The following ATAD2B variants were observed in gnomAD, a reference collection of about 807,000 sequenced individuals.
The protein encoded by ATAD2B is ATPase family AAA domain containing 2B.
ATAD2B carries 40 observed loss-of-function variants against 167.6 expected under a neutral mutation model. That is an observed-to-expected ratio of 0.24 (90% CI 0.19 to 0.31). The LOEUF (loss-of-function observed/expected upper bound fraction) is 0.31. ATAD2B is among the 10% of genes least tolerant of loss of function. The probability of loss-of-function intolerance (pLI) is 1.00; values close to 1 mark genes in which losing one functional copy is unlikely to be tolerated. For missense variants in ATAD2B, 1,242 were observed against 1,757.2 expected (o/e 0.71, Z 5.24); for synonymous variants, 579 against 596.5 (o/e 0.97, Z 0.43).
At chr2:23,886,928 C>G (rs1698751829) in intron 4 of ATAD2B, among the ~76,000 whole-genome samples, 1 of 110,934 alleles carries the variant, frequency 9.0e-6, no homozygotes, top group Non-Finnish European at 2.0e-5. Flanking sequence ...GAGACTCCAT[C>G]TCAAAAAAAA....
At chr2:23,809,374 A>G (rs1685183867) in intron 18 of ATAD2B, among the ~76,000 whole-genome samples, 1 of 152,154 alleles carries the variant, frequency 6.6e-6, no homozygotes, top group African/African-American at 2.4e-5. Context: ...ACTGTGAGTA[A>G]AAGAGAAACT....
intron 16 of ATAD2B, among the ~76,000 whole-genome samples, chr2:23,820,414 C>T (rs1374573393): frequency 1.3e-5 from 2 of 152,102 alleles, no homozygotes; most frequent in Non-Finnish European, 2.9e-5. Context: ...ATTCATACAG[C>T]ATTATTCTCT....
the ATAD2B span, chr2:23,693,456 C>T: frequency 3.2e-6 from 5 of 1,551,630 alleles, no homozygotes; most frequent in Non-Finnish European, 4.4e-6. Context: ...ACAGCCTCAA[C>T]ACCAAGGCTG....
chr2:23,781,894 C>G (rs993817034), intron 22 of ATAD2B, among the ~76,000 whole-genome samples: 20 of 152,066 alleles, frequency 1.3e-4, no homozygotes, highest in Admixed American at 7.9e-4. Context: ...CTCACTGCAG[C>G]CTCAACCTCC....
chr2:23,905,652 A>C (rs1218469952), intron 1 of ATAD2B, among the ~76,000 whole-genome samples: 1 of 152,228 alleles, frequency 6.6e-6, no homozygotes, highest in Non-Finnish European at 1.5e-5. Context: ...AGAAGAATCA[A>C]GGAGGTACTG....
At position 23,867,768 on chromosome 2, in the gene ATAD2B, G is replaced by A. The variant is rs10181272; in HGVS notation, c.1188+67C>T. 2.8e-3 allele frequency: 3,127 copies of A among 1,135,156 alleles called. 60 individuals are homozygous for A. The African/African-American group carries it at 0.043, about 16-fold the overall frequency. 70.3% of individuals were successfully genotyped at this position (1,135,156 alleles called of 1,614,324 possible). On this transcript the variant is annotated intron_variant, in intron 10 of 27. Coordinates refer to ENST00000238789, the MANE Select transcript of ATAD2B (RefSeq NM_017552.4). ...GAATTTTCTAGTTCTACTATGTGCTGCTTTAGAAACAAGAAAAAAACTTTT... is the reference window on the plus strand; with the variant it reads ...GAATTTTCTAGTTCTACTATGTGCTACTTTAGAAACAAGAAAAAAACTTTT...
At chr2:23,926,018 C>G (rs1197827597) in intron 1 of ATAD2B, among the ~76,000 whole-genome samples, 1 of 152,156 alleles carries the variant, frequency 6.6e-6, no homozygotes, top group Non-Finnish European at 1.5e-5. Flanking sequence ...AAGTTGGTGT[C>G]AGAGCAGCTA....
At chr2:23,886,350 A>G (rs1698658965) in intron 4 of ATAD2B, among the ~76,000 whole-genome samples, 1 of 152,134 alleles carries the variant, frequency 6.6e-6, no homozygotes, top group African/African-American at 2.4e-5. Context: ...TTAAAATAAA[A>G]CTTTTTAAAT....
intron 8 of ATAD2B, among the ~76,000 whole-genome samples, chr2:23,874,995 G>A (rs1696606296): frequency 2.7e-5 from 4 of 148,494 alleles, no homozygotes. Flanking sequence ...GGTGGAGCTT[G>A]CAGCGACCCA....
intron 22 of ATAD2B, among the ~76,000 whole-genome samples, chr2:23,773,549 A>C (rs573744838): frequency 1.3e-5 from 2 of 152,164 alleles, no homozygotes; most frequent in Non-Finnish European, 2.9e-5. Flanking sequence ...AATAGAATAA[A>C]AGTTGAAAAC....
chr2:23,735,946 A>G, the ATAD2B span, among the ~76,000 whole-genome samples: 2 of 152,186 alleles, frequency 1.3e-5, no homozygotes, highest in Non-Finnish European at 2.9e-5. Context: ...ATACTGGCCT[A>G]ATGGAAGGAA....
chr2:23,921,556 A>G (rs1447492453), intron 1 of ATAD2B, among the ~76,000 whole-genome samples: 1 of 152,192 alleles, frequency 6.6e-6, no homozygotes, highest in African/African-American at 2.4e-5. Context: ...GACAGGGAAA[A>G]TGATTTAAGG....
the ATAD2B span, among the ~76,000 whole-genome samples, chr2:23,705,738 C>G: frequency 5.1e-4 from 77 of 152,232 alleles, no homozygotes; most frequent in Non-Finnish European, 8.8e-5. Flanking sequence ...AGGGAATAGC[C>G]AGGAAGAAAT....
the ATAD2B span, among the ~76,000 whole-genome samples, chr2:23,743,565 A>G: frequency 4.1e-5 from 6 of 147,084 alleles, no homozygotes; most frequent in African/African-American, 1.5e-4. Context: ...TCCGACTCAA[A>G]AAAAAAAAAA....
chr2:23,899,006 G>A (rs1291592847), intron 1 of ATAD2B, among the ~76,000 whole-genome samples: 1 of 152,126 alleles, frequency 6.6e-6, no homozygotes, highest in Non-Finnish European at 1.5e-5. Context: ...AAATTAGCCA[G>A]GCATGGTGGC....
the ATAD2B span, among the ~76,000 whole-genome samples, chr2:23,700,779 A>G: frequency 6.6e-6 from 1 of 152,154 alleles, no homozygotes; most frequent in African/African-American, 2.4e-5. The surrounding 1 kb of genome is among the most constrained non-coding windows in gnomAD (Gnocchi z 4.6). Flanking sequence ...GCCCTTGACT[A>G]CAGAGCAGTG....
At position 23,881,217 on chromosome 2, in the gene ATAD2B, A is replaced by G. The variant is rs1697835952; in HGVS notation, c.785-462T>C. Among the ~76,000 whole-genome samples, 3 of 152,198 alleles carry G rather than the reference A, an allele frequency of 2.0e-5. No homozygotes were observed. In the South Asian group the frequency reaches 6.2e-4, roughly 31 times the overall value. On this transcript the variant is annotated intron_variant, in intron 6 of 27. Transcript: ENST00000238789. Reference sequence around the variant, plus strand: ...AAGAGCAACTTTTGTTGGCAGTGTAATGATTTGTTAGGCCTGTTGACCACA... The same window carrying G: ...AAGAGCAACTTTTGTTGGCAGTGTAGTGATTTGTTAGGCCTGTTGACCACA...
At chr2:23,848,322 A>G (rs1692011346) in intron 13 of ATAD2B, among the ~76,000 whole-genome samples, 2 of 151,932 alleles carry the variant, frequency 1.3e-5, no homozygotes, top group African/African-American at 4.8e-5. Context: ...TCTACTAAAA[A>G]CACAAAAATT....
At position 23,769,711 on chromosome 2, in the gene ATAD2B, G is replaced by GATTTT. The variant is rs199842019; in HGVS notation, c.3134-4084_3134-4083insAAAAT. 7.7e-5 allele frequency among the ~76,000 whole-genome samples: 10 copies of GATTTT among 129,836 alleles called. 2 individuals are homozygous for GATTTT. Among genetic ancestry groups the GATTTT allele is most frequent in the African/African-American group, 5.4e-5 (2 of 36,942 alleles). The allele number at this position is 129,836 out of a possible 152,430, so 85.2% of individuals were successfully genotyped here. A position where few individuals can be genotyped will look rare whatever the true frequency, so the allele number is the denominator to read the frequency against. On this transcript the variant is annotated intron_variant, in intron 22 of 27. Transcript: ENST00000238789. ...AAGTGTTTAATGGTGTCTCACTGTG[G>GATTTT]GTTTTTTTTTTTTTTTTTTTTTGAG...
Sources: allele counts gnomAD v4.1 joint callset (sites outside exome capture counted in the v4.1 genomes callset), GRCh38; gene constraint gnomAD v4.1.1; non-coding constraint Gnocchi (gnomAD v3.1); transcripts MANE v1.5; gene names NCBI Gene and HGNC (gene_info 2026-07-23, HGNC 2026-07-21).